KCNQ3: variants seen among roughly 807,000 people sequenced by gnomAD.
KCNQ3 encodes potassium voltage-gated channel subfamily KQT member 3.
A neutral mutation model predicts 92.5 loss-of-function variants in KCNQ3; 30 were observed. The ratio of observed to expected loss-of-function variants is 0.32; its 90% CI spans 0.24 to 0.44. The LOEUF is 0.44. Among genes scored for constraint, KCNQ3 ranks in the 20% least tolerant of loss-of-function variants. The probability of loss-of-function intolerance (pLI) is 1.00; values close to 1 mark genes in which losing one functional copy is unlikely to be tolerated. For missense variants in KCNQ3, 913 were observed against 1,140.3 expected, an observed-to-expected ratio of 0.80 and a Z score of 2.87; for synonymous variants, 450 against 468.8, an observed-to-expected ratio of 0.96 and a Z score of 0.52.
In KCNQ3 at chr8:132,128,128, C is replaced by T. The variant is rs1824730380; in HGVS notation, c.*1134G>A. On this transcript the variant is annotated 3_prime_UTR_variant, in exon 15 of 15. Coordinates refer to ENST00000388996, the MANE Select transcript of KCNQ3 (RefSeq NM_004519.4). ...CGCGACACAAAGTCATATATCTTGA[C>T]ACAATCTCTAGGATGCATTATATAA... is the stretch of plus-strand genomic sequence containing the variant. 1 of 152,134 alleles carries T rather than the reference C, an allele frequency of 6.6e-6. No individual in the cohort carries two copies. The highest frequency in any genetic ancestry group is 6.6e-5 in the Admixed American group (1 of 15,266). The allele number at this position is 152,134 out of a possible 1,614,324, so 9.4% of individuals were successfully genotyped here. A position where few individuals can be genotyped will look rare whatever the true frequency, so the allele number is the denominator to read the frequency against.
chr8:132,285,157 T>C (rs73358982), intron 1 of KCNQ3, among the ~76,000 whole-genome samples: 2 of 152,288 alleles, frequency 1.3e-5, no homozygotes, highest in African/African-American at 2.4e-5. Context: ...GCTTTGGAAC[T>C]GGGTAATGGG....
intron 13 of KCNQ3, 95 bp from the exon 14 acceptor site, chr8:132,132,359 G>T: frequency 1.1e-6 from 1 of 882,854 alleles, no homozygotes; most frequent in Non-Finnish European, 1.9e-6. Context: ...CAGAGCCATC[G>T]TTCTCACCCT....
At chr8:132,338,726 C>T (rs565088762) in intron 1 of KCNQ3, among the ~76,000 whole-genome samples, 14 of 152,244 alleles carry the variant, frequency 9.2e-5, no homozygotes, top group African/African-American at 3.4e-4. Flanking sequence ...ACCTTTCTTG[C>T]TGAGGGGATG....
At chr8:132,287,464 C>T (rs983799415) in intron 1 of KCNQ3, among the ~76,000 whole-genome samples, 3 of 152,126 alleles carry the variant, frequency 2.0e-5, no homozygotes, top group Non-Finnish European at 4.4e-5. Context: ...AAAGTTTGTA[C>T]ACAAATATTC....
At chr8:132,412,612 GC>G (rs1351513507) in intron 1 of KCNQ3, among the ~76,000 whole-genome samples, 1 of 152,164 alleles carries the variant, frequency 6.6e-6, no homozygotes, top group African/African-American at 2.4e-5. Flanking sequence ...TGAGCCCTCA[GC>G]CTAAGCAATG....
intron 1 of KCNQ3, among the ~76,000 whole-genome samples, chr8:132,472,219 A>G (rs1822313436): frequency 9.2e-5 from 14 of 152,198 alleles, no homozygotes. Flanking sequence ...CAAAAAACTA[A>G]AAATAGAACT....
chr8:132,197,886 A>G (rs1827347074), intron 1 of KCNQ3, among the ~76,000 whole-genome samples: 1 of 152,202 alleles, frequency 6.6e-6, no homozygotes, highest in African/African-American at 2.4e-5. Context: ...TGTTTCCCTC[A>G]TAAACGGGTA....
chr8:132,220,713 C>CTTTT (rs1365680682), intron 1 of KCNQ3, among the ~76,000 whole-genome samples: 1 of 152,058 alleles, frequency 6.6e-6, no homozygotes, highest in Non-Finnish European at 1.5e-5. Context: ...GGCATGACTG[C>CTTTT]TTTCCAGCCT....
In KCNQ3 at chr8:132,205,588, C is replaced by T. The variant is rs367572518; in HGVS notation, c.387-19407G>A. Among the ~76,000 whole-genome samples, 126 of 152,296 alleles carry T rather than the reference C, an allele frequency of 8.3e-4. 1 individual carries two copies. The highest frequency in any genetic ancestry group is 2.9e-3 in the African/African-American group (120 of 41,574). ...TTCAGAACCAGATGCTATCTTTGATCCCAGCCTCTTATCCTCAAGTTTTTG... is the reference window on the plus strand; with the variant it reads ...TTCAGAACCAGATGCTATCTTTGATTCCAGCCTCTTATCCTCAAGTTTTTG... On this transcript the variant is annotated intron_variant, in intron 1 of 14. Transcript: ENST00000388996.
At chr8:132,357,007 T>TAACAACAACAAC (rs111426424) in intron 1 of KCNQ3, among the ~76,000 whole-genome samples, 84 of 150,450 alleles carry the variant, frequency 5.6e-4, no homozygotes, top group African/African-American at 1.9e-3. Context: ...ACTATTTTAT[T>TAACAACAACAAC]AACAACAACA....
chr8:132,134,215 A>C, intron 13 of KCNQ3, 75 bp downstream of exon 13: 1 of 1,071,004 alleles, frequency 9.3e-7, no homozygotes, highest in Non-Finnish European at 1.5e-6. Flanking sequence ...AAAGGACCCC[A>C]GCAGAGGTTT....
At chr8:132,258,226 C>T (rs2130461683) in intron 1 of KCNQ3, among the ~76,000 whole-genome samples, 1 of 152,216 alleles carries the variant, frequency 6.6e-6, no homozygotes, top group East Asian at 1.9e-4. Flanking sequence ...CTCAAGTACA[C>T]ATGAAACACT....
At chr8:132,195,699 C>A (rs1827281280) in intron 1 of KCNQ3, among the ~76,000 whole-genome samples, 1 of 152,108 alleles carries the variant, frequency 6.6e-6, no homozygotes, top group Non-Finnish European at 1.5e-5. Context: ...AACCAGGTTC[C>A]CCCCAAATCA....
intron 5 of KCNQ3, 50 bp from the exon 6 acceptor site, chr8:132,174,399 A>C: frequency 1.9e-5 from 26 of 1,356,252 alleles, no homozygotes; most frequent in Non-Finnish European, 2.6e-5. Flanking sequence ...GAGGAATATC[A>C]GGAACGTGTT....
At chr8:132,316,011 T>C (rs1817733215) in intron 1 of KCNQ3, among the ~76,000 whole-genome samples, 4 of 152,234 alleles carry the variant, frequency 2.6e-5, no homozygotes, top group Non-Finnish European at 4.4e-5. Context: ...GAAACTTTTA[T>C]AGAAACATTT....
Position 132,303,638 on chromosome 8 carries a change from T to TAC in KCNQ3, c.387-117458_387-117457insGT, listed in dbSNP as rs1467679084. On this transcript the variant is annotated intron_variant, in intron 1 of 14. Coordinates refer to ENST00000388996, the MANE Select transcript of KCNQ3 (RefSeq NM_004519.4). ...TATATATATATATATATATGGTGTATATATATATATATATTTATGGTGTGT... is the reference window on the plus strand; with the variant it reads ...TATATATATATATATATATGGTGTATACATATATATATATATTTATGGTGTGT... 6.3e-5 allele frequency among the ~76,000 whole-genome samples: 2 copies of TAC among 31,892 alleles called. 1 individual carries two copies. The highest frequency in any genetic ancestry group is 9.1e-5 in the Non-Finnish European group (2 of 22,046). The allele number at this position is 31,892 out of a possible 152,430, so 20.9% of individuals were successfully genotyped here. A position where few individuals can be genotyped will look rare whatever the true frequency, so the allele number is the denominator to read the frequency against.
intron 9 of KCNQ3, among the ~76,000 whole-genome samples, chr8:132,148,094 C>T (rs61097040): frequency 1.3e-5 from 2 of 151,968 alleles, no homozygotes; most frequent in Non-Finnish European, 2.9e-5. Context: ...GCTGTCAGTG[C>T]TTATTTCTTA....
intron 1 of KCNQ3, among the ~76,000 whole-genome samples, chr8:132,456,282 C>T (rs1821936178): frequency 6.6e-6 from 1 of 152,204 alleles, no homozygotes; most frequent in Non-Finnish European, 1.5e-5. Context: ...GTTGTGCAGC[C>T]TGGGGAGGGG....
intron 1 of KCNQ3, among the ~76,000 whole-genome samples, chr8:132,301,514 C>T (rs572408292): frequency 1.2e-4 from 19 of 152,276 alleles, no homozygotes; most frequent in African/African-American, 4.6e-4. Flanking sequence ...ATAACAGGTC[C>T]ATAATTAAAC....
Sources: gnomAD v4.1 joint callset for allele counts (sites outside exome capture counted in the v4.1 genomes callset) on GRCh38, gnomAD v4.1.1 for gene constraint, MANE v1.5 for transcripts, NCBI Gene and HGNC (gene_info 2026-07-23, HGNC 2026-07-21) for gene names.